ZBTB20: variants seen among roughly 807,000 people sequenced by gnomAD.
The protein encoded by ZBTB20 is zinc finger and BTB domain-containing protein 20.
A neutral mutation model predicts 56.9 loss-of-function variants in ZBTB20; 9 were observed. That is an observed-to-expected ratio of 0.16 (90% CI 0.10 to 0.28). The LOEUF is 0.28. Among genes scored for constraint, ZBTB20 ranks in the 10% least tolerant of loss-of-function variants. ZBTB20 has a pLI of 1.00. For synonymous variants in ZBTB20, 417 were observed against 420.7 expected (o/e 0.99, Z 0.11); for missense variants, 655 against 1,003.0 (o/e 0.65, Z 4.69).
At chr3:114,794,774 A>T (rs1271477729) in intron 5 of ZBTB20, among the ~76,000 whole-genome samples, 7 of 152,002 alleles carry the variant, frequency 4.6e-5, no homozygotes, top group Non-Finnish European at 1.0e-4. Flanking sequence ...CATCATACTT[A>T]AAAAAAGCCT....
chr3:114,840,667 T>C (rs1040482584), intron 4 of ZBTB20, among the ~76,000 whole-genome samples: 4 of 152,184 alleles, frequency 2.6e-5, no homozygotes, highest in African/African-American at 7.2e-5. Flanking sequence ...GACAAGGGCA[T>C]AATAATTTCT....
rs143894443 is a variant in ZBTB20 at position 114,815,480 on chromosome 3, T to A, written c.-416-14306A>T. Among the ~76,000 whole-genome samples the A allele has an allele frequency of 2.1e-3, 316 of 152,300 alleles. 1 individual carries two copies. The highest frequency in any genetic ancestry group is 6.6e-3 in the African/African-American group (274 of 41,572). On this transcript the variant is annotated intron_variant, in intron 4 of 11. Coordinates refer to ENST00000675478, the MANE Select transcript of ZBTB20 (RefSeq NM_001348800.3). Reference sequence around the variant, plus strand: ...TTTTAATCCCAATTTGGCTTACCCATTTTCCCCTGCACACAACGAGTAGCC... The same window carrying A: ...TTTTAATCCCAATTTGGCTTACCCAATTTCCCCTGCACACAACGAGTAGCC...
rs529139411 is a variant in ZBTB20 at position 114,445,777 on chromosome 3, C to T, written c.-255+54575G>A. On this transcript the variant is annotated intron_variant, in intron 7 of 11. Coordinates refer to ENST00000675478, the MANE Select transcript of ZBTB20 (RefSeq NM_001348800.3). ...TTAGTGTCAAGTTAGTCTTTTAAAG[C>T]AATCCATTAAAGCAATAAGTATAAA... 3.9e-5 allele frequency: 6 copies of T among 152,168 alleles called. No individual in the cohort carries two copies. The East Asian group carries it at 9.7e-4, about 25-fold the overall frequency. The allele number at this position is 152,168 out of a possible 1,614,324, so 9.4% of individuals were successfully genotyped here. A position where few individuals can be genotyped will look rare whatever the true frequency, so the allele number is the denominator to read the frequency against.
At chr3:114,698,495 C>T (rs1294622428) in intron 5 of ZBTB20, among the ~76,000 whole-genome samples, 3 of 152,044 alleles carry the variant, frequency 2.0e-5, no homozygotes, top group African/African-American at 2.4e-5. Flanking sequence ...ATTCCCAAAG[C>T]GTGGACCAGA....
In ZBTB20 at chr3:114,351,324, T is replaced by G. The variant is rs781366610; in HGVS notation, c.754A>C (p.Met252Leu). Residue 252 changes from methionine (M) to leucine (L), a missense_variant, in exon 11 of 12, where the codon ATG becomes CTG. Physicochemically the swap from Met to Leu is conservative, Grantham distance 15. Coordinates refer to ENST00000675478, the MANE Select transcript of ZBTB20 (RefSeq NM_001348800.3). ...GAGCGCTCGCCGCTGCCATTCTGCA[T>G]GGAGCACGCGTAGAGTGCCGAGTAG... ...RIYSALYACS[M>L]QNGSGERSFY... 4 of 1,607,840 alleles carry G rather than the reference T, an allele frequency of 2.5e-6. No homozygotes were observed. In the South Asian group the frequency reaches 4.4e-5, roughly 18 times the overall value.
At chr3:114,427,530 T>G (rs2108863857) in intron 7 of ZBTB20, among the ~76,000 whole-genome samples, 1 of 152,316 alleles carries the variant, frequency 6.6e-6, no homozygotes, top group Non-Finnish European at 1.5e-5. Context: ...ATGGATTAAT[T>G]AAGCCAAAGC....
chr3:114,499,733 T>G (rs1408820142), intron 7 of ZBTB20, among the ~76,000 whole-genome samples: 1 of 150,608 alleles, frequency 6.6e-6, no homozygotes, highest in Non-Finnish European at 1.5e-5. Context: ...AAAATCGTGT[T>G]TTTTTTTCCC....
intron 7 of ZBTB20, among the ~76,000 whole-genome samples, chr3:114,498,883 C>T (rs1230690566): frequency 2.0e-5 from 3 of 152,146 alleles, no homozygotes; most frequent in Non-Finnish European, 4.4e-5. Context: ...TGAGGCTCGC[C>T]CTATAGCACT....
chr3:114,522,925 C>T (rs1452572294), intron 6 of ZBTB20, among the ~76,000 whole-genome samples: 5 of 152,062 alleles, frequency 3.3e-5, no homozygotes, highest in Non-Finnish European at 1.5e-5. Flanking sequence ...ATATGTGAGC[C>T]TAGAATTCTG....
intron 5 of ZBTB20, among the ~76,000 whole-genome samples, chr3:114,719,981 G>A (rs929192913): frequency 6.6e-6 from 1 of 151,770 alleles, no homozygotes; most frequent in African/African-American, 2.4e-5. Flanking sequence ...AAGAAATAAT[G>A]AGGCCAAATA....
chr3:114,423,286 C>A (rs1249468022), intron 7 of ZBTB20, among the ~76,000 whole-genome samples: 2 of 152,162 alleles, frequency 1.3e-5, no homozygotes, highest in African/African-American at 2.4e-5. Flanking sequence ...GTTTATACTA[C>A]AGAACATCAC....
rs1028420097 is a variant in ZBTB20, at chr3:114,335,465, T to C, written c.*3540A>G. 1 of 152,246 alleles carries C rather than the reference T, an allele frequency of 6.6e-6. No homozygotes were observed. The highest frequency in any genetic ancestry group is 1.5e-5 in the Non-Finnish European group (1 of 68,034). The allele number at this position is 152,246 out of a possible 1,614,324, so 9.4% of individuals were successfully genotyped here. A position where few individuals can be genotyped will look rare whatever the true frequency, so the allele number is the denominator to read the frequency against. ...TGATTGTTTAACTTAAAAGTGAGAA[T>C]TGACAATCTAAAAGCATCTCTATCC... On this transcript the variant is annotated 3_prime_UTR_variant, in exon 12 of 12. Transcript: ENST00000675478.
intron 1 of ZBTB20, among the ~76,000 whole-genome samples, chr3:115,084,463 T>C (rs1418759835): frequency 1.3e-5 from 2 of 151,912 alleles, no homozygotes; most frequent in African/African-American, 4.8e-5. Flanking sequence ...CTAAACAAAA[T>C]CTGTGAACCA....
chr3:114,821,239 A>T (rs1490133347), intron 4 of ZBTB20, among the ~76,000 whole-genome samples: 1 of 152,124 alleles, frequency 6.6e-6, no homozygotes, highest in African/African-American at 2.4e-5. Context: ...TCTGCTACTC[A>T]ACTGCAGAAT....
chr3:114,817,336 T>C (rs531365110), intron 4 of ZBTB20, among the ~76,000 whole-genome samples: 5 of 151,824 alleles, frequency 3.3e-5, no homozygotes, highest in African/African-American at 7.2e-5. Context: ...CTGACCAACA[T>C]GGAGAAACCC....
At chr3:114,473,874 A>G (rs2040431839) in intron 7 of ZBTB20, among the ~76,000 whole-genome samples, 1 of 152,206 alleles carries the variant, frequency 6.6e-6, no homozygotes, top group Admixed American at 6.5e-5. Context: ...CTCTAAGGTT[A>G]CACAGTGTAT....
At chr3:114,650,466 A>G (rs1005177920) in intron 6 of ZBTB20, among the ~76,000 whole-genome samples, 1 of 151,910 alleles carries the variant, frequency 6.6e-6, no homozygotes, top group Non-Finnish European at 1.5e-5. Flanking sequence ...TTTACAAAAA[A>G]ATATTCTAAC....
intron 1 of ZBTB20, among the ~76,000 whole-genome samples, chr3:115,144,146 AT>A (rs894947040): frequency 2.0e-5 from 3 of 152,216 alleles, no homozygotes; most frequent in Admixed American, 2.0e-4. Context: ...CTACTTCCGT[AT>A]TCCAAATGTT....
chr3:114,649,724 G>A (rs2060030002), intron 6 of ZBTB20, among the ~76,000 whole-genome samples: 1 of 151,882 alleles, frequency 6.6e-6, no homozygotes, highest in South Asian at 2.1e-4. Context: ...TTTGCCTCTA[G>A]AATGTCTCTT....
Sources: gnomAD v4.1 joint callset for allele counts (sites outside exome capture counted in the v4.1 genomes callset) on GRCh38, gnomAD v4.1.1 for gene constraint, MANE v1.5 for transcripts, NCBI Gene and HGNC (gene_info 2026-07-23, HGNC 2026-07-21) for gene names.